LRRC4C: variants seen among roughly 807,000 people sequenced by gnomAD.
LRRC4C encodes leucine rich repeat containing 4C, also known as leucine-rich repeat-containing protein 4C.
Under a neutral mutation model 33.6 loss-of-function variants are expected in LRRC4C, and 5 were observed. The ratio of observed to expected loss-of-function variants is 0.15; its 90% CI spans 0.08 to 0.31. The LOEUF is 0.31. Among genes scored for constraint, LRRC4C ranks in the 10% least tolerant of loss-of-function variants. The pLI is 1.00. For missense variants in LRRC4C, 560 were observed against 796.7 expected (o/e 0.70, Z 3.58); for synonymous variants, 329 against 302.0 (o/e 1.09, Z -0.93).
intron 1 of LRRC4C, among the ~76,000 whole-genome samples, chr11:41,229,160 C>T (rs1385028544): frequency 6.6e-6 from 1 of 151,980 alleles, no homozygotes; most frequent in East Asian, 1.9e-4. Flanking sequence ...AAGGCCTAAC[C>T]TCTTAGATGA....
In LRRC4C at chr11:41,161,100, A is replaced by C. The variant is rs894545582; in HGVS notation, c.-495-227377T>G. 2.6e-5 allele frequency among the ~76,000 whole-genome samples: 4 copies of C among 152,180 alleles called. No homozygotes were observed. In the East Asian group the frequency reaches 7.7e-4, roughly 29 times the overall value. On this transcript the variant is annotated intron_variant, in intron 1 of 6. Coordinates refer to ENST00000528697, the MANE Select transcript of LRRC4C (RefSeq NM_001258419.2). Reference sequence around the variant, plus strand: ...TTCCTATTTCTGTATTAAAGACTCAAGAAAAACAAATGCCCATGATAACTA... The same window carrying C: ...TTCCTATTTCTGTATTAAAGACTCACGAAAAACAAATGCCCATGATAACTA...
In LRRC4C at chr11:40,984,413, A is replaced by AAGAG. The variant is rs139916332; in HGVS notation, c.-495-50694_-495-50691dup. On this transcript the variant is annotated intron_variant, in intron 1 of 6. Transcript: ENST00000528697. ...AAAGAAAGAAAGAAAGAAAGAAAGA[A>AAGAG]AGAGAAAGAAAGAAAGAGAAAAAGA... Among the ~76,000 whole-genome samples the AAGAG allele has an allele frequency of 4.0e-5, 3 of 75,324 alleles. No homozygotes were observed. In the East Asian group the frequency reaches 1.0e-3, roughly 26 times the overall value. The allele number at this position is 75,324 out of a possible 152,430, so 49.4% of individuals were successfully genotyped here. A position where few individuals can be genotyped will look rare whatever the true frequency, so the allele number is the denominator to read the frequency against.
intron 5 of LRRC4C, among the ~76,000 whole-genome samples, chr11:40,202,362 A>G (rs1479975250): frequency 2.6e-5 from 4 of 151,686 alleles, no homozygotes; most frequent in Non-Finnish European, 5.9e-5. Flanking sequence ...GCCCCAACTT[A>G]TCCTCTAACC....
Position 40,844,673 on chromosome 11 carries a change from T to A in LRRC4C, c.-407+88962A>T, listed in dbSNP as rs925438515. Among the ~76,000 whole-genome samples, 3 of 152,320 alleles carry A rather than the reference T, an allele frequency of 2.0e-5. No individual in the cohort carries two copies. In the South Asian group the frequency reaches 6.2e-4, roughly 32 times the overall value. Reference sequence around the variant, plus strand: ...TTGTTTTTGTTTTGTTTAGGAATCATTACTTTCTCATTTATTACTAAACTC... The same window carrying A: ...TTGTTTTTGTTTTGTTTAGGAATCAATACTTTCTCATTTATTACTAAACTC... On this transcript the variant is annotated intron_variant, in intron 2 of 6. Transcript: ENST00000528697.
intron 1 of LRRC4C, among the ~76,000 whole-genome samples, chr11:40,949,252 T>C (rs1015709170): frequency 2.6e-5 from 4 of 152,230 alleles, no homozygotes; most frequent in African/African-American, 7.2e-5. Context: ...GAGTTCATTG[T>C]AGATTCTGGA....
At chr11:40,787,039 ACACT>A (rs1441187735) in intron 2 of LRRC4C, among the ~76,000 whole-genome samples, 4 of 152,128 alleles carry the variant, frequency 2.6e-5, no homozygotes, top group Non-Finnish European at 4.4e-5. Flanking sequence ...GCAATCCGAG[ACACT>A]CACCTCCATG....
chr11:41,133,126 C>T (rs1362008409), intron 1 of LRRC4C, among the ~76,000 whole-genome samples: 2 of 152,044 alleles, frequency 1.3e-5, no homozygotes, highest in Non-Finnish European at 2.9e-5. Context: ...AGGAACTAAA[C>T]ACACACAAGA....
chr11:40,607,986 C>T (rs370084137), intron 3 of LRRC4C, among the ~76,000 whole-genome samples: 28 of 151,954 alleles, frequency 1.8e-4, no homozygotes, highest in Admixed American at 9.9e-4. Context: ...GCATGCCCTG[C>T]GAGGGGGATA....
intron 1 of LRRC4C, among the ~76,000 whole-genome samples, chr11:41,263,659 C>T (rs1949054074): frequency 2.0e-5 from 3 of 151,922 alleles, no homozygotes; most frequent in Non-Finnish European, 1.5e-5. Context: ...TTCTTTTCTC[C>T]AGGGGAGAAG....
At chr11:40,719,792 G>C (rs918314735) in intron 2 of LRRC4C, among the ~76,000 whole-genome samples, 5 of 152,172 alleles carry the variant, frequency 3.3e-5, no homozygotes, top group Admixed American at 1.3e-4. Context: ...CAGTGTTGGA[G>C]CTTTGTGGAT....
At chr11:40,200,180 TAAAAAAAAAAAAAAAAAAA>T (rs56269292) in intron 5 of LRRC4C, among the ~76,000 whole-genome samples, 44 of 26,046 alleles carry the variant, frequency 1.7e-3, no homozygotes, top group Admixed American at 5.0e-3. Flanking sequence ...CTGTCTCCAC[TAAAAAAAAAAAAAAAAAAA>T]AAAAAAAAAA....
intron 3 of LRRC4C, among the ~76,000 whole-genome samples, chr11:40,374,806 GA>G (rs1948593878): frequency 6.6e-6 from 1 of 152,094 alleles, no homozygotes; most frequent in Admixed American, 6.6e-5. Flanking sequence ...ATCAGGCAAT[GA>G]ATTTCAACAT....
intron 5 of LRRC4C, among the ~76,000 whole-genome samples, chr11:40,197,649 A>G (rs1862372179): frequency 6.6e-6 from 1 of 152,166 alleles, no homozygotes; most frequent in African/African-American, 2.4e-5. Flanking sequence ...ATCATTCCCC[A>G]TGACATAGTC....
chr11:40,442,076 C>G (rs926549811), intron 3 of LRRC4C, among the ~76,000 whole-genome samples: 1 of 133,420 alleles, frequency 7.5e-6, no homozygotes, highest in Non-Finnish European at 1.5e-5. Flanking sequence ...GGCAGGAGAA[C>G]GGTGTGAACC....
chr11:41,055,235 A>T (rs537111567), intron 1 of LRRC4C, among the ~76,000 whole-genome samples: 1 of 152,140 alleles, frequency 6.6e-6, no homozygotes, highest in Admixed American at 6.5e-5. Context: ...AGTGTGAGTC[A>T]TCCTTGCTTT....
chr11:41,244,648 T>G (rs914450289), intron 1 of LRRC4C, among the ~76,000 whole-genome samples: 4 of 152,230 alleles, frequency 2.6e-5, no homozygotes, highest in African/African-American at 9.6e-5. Context: ...GGTATAGATT[T>G]GGCATTTTTA....
chr11:40,287,187 T>C (rs181301190), intron 4 of LRRC4C, among the ~76,000 whole-genome samples: 1 of 151,580 alleles, frequency 6.6e-6, no homozygotes, highest in Non-Finnish European at 1.5e-5. Context: ...GAATAAGAAA[T>C]ACACACTGCA....
chr11:40,152,304 C>T (rs12364615), intron 5 of LRRC4C, among the ~76,000 whole-genome samples: 14,878 of 152,174 alleles, frequency 0.098, 832 homozygotes, highest in South Asian at 0.16. Context: ...CTTGGGAGTT[C>T]GCTGGGTCCC....
At chr11:41,368,990 GTTACCACA>G (rs1952645976) in intron 1 of LRRC4C, among the ~76,000 whole-genome samples, 1 of 152,058 alleles carries the variant, frequency 6.6e-6, no homozygotes, top group Non-Finnish European at 1.5e-5. Flanking sequence ...ATTTTTCTCT[GTTACCACA>G]TGTGTTTTTC....
Sources: allele counts gnomAD v4.1 joint callset (sites outside exome capture counted in the v4.1 genomes callset), GRCh38; gene constraint gnomAD v4.1.1; transcripts MANE v1.5; gene names NCBI Gene and HGNC (gene_info 2026-07-23, HGNC 2026-07-21).